GALNT5: variants seen among roughly 807,000 people sequenced by gnomAD.
GALNT5 encodes the protein polypeptide N-acetylgalactosaminyltransferase 5.
GALNT5 carries 72 observed loss-of-function variants against 85.4 expected under a neutral mutation model. That is an observed-to-expected ratio of 0.84 (90% confidence interval 0.70 to 1.03). The LOEUF (loss-of-function observed/expected upper bound fraction) is 1.03. Ranked by LOEUF, GALNT5 falls within the 50% of genes least tolerant of loss-of-function variation. The probability of loss-of-function intolerance (pLI) is 0.00; values close to 1 mark genes in which losing one functional copy is unlikely to be tolerated. For synonymous variants in GALNT5, 404 were observed against 397.0 expected, an observed-to-expected ratio of 1.02 and a Z score of -0.21; for missense variants, 1,137 against 1,135.5, an observed-to-expected ratio of 1.00 and a Z score of -0.02.
intron 8 of GALNT5, among the ~76,000 whole-genome samples, chr2:157,306,632 C>A (rs1683460617): frequency 6.6e-6 from 1 of 152,196 alleles, no homozygotes; most frequent in African/African-American, 2.4e-5. Flanking sequence ...GAAATCAGTT[C>A]CCAAAATTGC....
At chr2:157,273,630 CTTTTTTTTTTTT>C (rs35430045) in intron 1 of GALNT5, among the ~76,000 whole-genome samples, 8 of 23,744 alleles carry the variant, frequency 3.4e-4, no homozygotes, top group African/African-American at 1.3e-3. Context: ...ATATTTCTTG[CTTTTTTTTTTTT>C]TTTTTTTTTT....
rs68129611 is a variant in GALNT5 at position 157,317,174 on chromosome 2, G to GTATA, written c.*5848_*5851dup. Among the ~76,000 whole-genome samples, 648 of 139,300 alleles carry GTATA rather than the reference G, an allele frequency of 4.7e-3. 2 individuals are homozygous for GTATA. Among genetic ancestry groups the GTATA allele is most frequent in the Middle Eastern group, 0.012 (3 of 256 alleles). 91.4% of individuals were successfully genotyped at this position (139,300 alleles called of 152,430 possible). A position where few individuals can be genotyped will look rare whatever the true frequency, so the allele number is the denominator to read the frequency against. On this transcript the variant is annotated 3_prime_UTR_variant, in exon 10 of 10. Transcript: ENST00000259056. ...TTTTGTAAATATACTGTATGTGTGT[G>GTATA]TATATATATATATATATATATATAT...
chr2:157,258,666 A>T lies in GALNT5; in HGVS notation c.584A>T (p.Gln195Leu), dbSNP rs1682258281. 6.2e-7 allele frequency: 1 copy of T among 1,613,832 alleles called. No homozygotes were observed. The highest frequency in any genetic ancestry group is 8.5e-7 in the Non-Finnish European group (1 of 1,179,974). ...SVHMGRVSLK[Q>L]EPRKSHSPSS... ...CACATGGGACGTGTCAGTTTAAAAC[A>T]GGAGCCCCGGAAGAGTCATAGTCCC... The change falls in exon 1 of 10, where the codon CAG (glutamine) becomes CTG (leucine). Residue 195 changes from glutamine (Q) to leucine (L), a missense_variant. Coordinates refer to ENST00000259056, the MANE Select transcript of GALNT5 (RefSeq NM_014568.3).
chr2:157,311,366 T>C lies in GALNT5; in HGVS notation c.*18T>C. The C allele has an allele frequency of 6.5e-7, 1 of 1,536,518 alleles. No individual in the cohort carries two copies. The highest frequency in any genetic ancestry group is 8.9e-7 in the Non-Finnish European group (1 of 1,121,170). On this transcript the variant is annotated 3_prime_UTR_variant, in exon 10 of 10. Coordinates refer to ENST00000259056, the MANE Select transcript of GALNT5 (RefSeq NM_014568.3). ...AAGCCTGAAGTGTAACTGATGTTTT[T>C]ATATAGTAAACCCATTAAATACTGT...
chr2:157,286,166 A>C (rs759534911), intron 3 of GALNT5, 32 bp downstream of exon 3: 2 of 1,580,278 alleles, frequency 1.3e-6, no homozygotes, highest in South Asian at 1.1e-5. Flanking sequence ...TGTTTGTTAC[A>C]TTTTTATTTT....
At chr2:157,309,968 G>A (rs1176947521) in intron 9 of GALNT5, among the ~76,000 whole-genome samples, 2 of 152,150 alleles carry the variant, frequency 1.3e-5, no homozygotes, top group Non-Finnish European at 2.9e-5. Context: ...CCAAAGTCAG[G>A]AGGGAGGGAA....
chr2:157,276,872 G>A (rs188358189), intron 1 of GALNT5, among the ~76,000 whole-genome samples: 217 of 152,206 alleles, frequency 1.4e-3, no homozygotes, highest in Non-Finnish European at 2.5e-3. Flanking sequence ...GCTTTTGAAT[G>A]TGTAAGCTCT....
chr2:157,277,237 T>C (rs1250238173), intron 1 of GALNT5, among the ~76,000 whole-genome samples: 1 of 152,212 alleles, frequency 6.6e-6, no homozygotes, highest in Non-Finnish European at 1.5e-5. Flanking sequence ...ATGCTTTACT[T>C]CCAATTATGT....
At chr2:157,289,476 T>C (rs140114348) in intron 3 of GALNT5, among the ~76,000 whole-genome samples, 72 of 152,320 alleles carry the variant, frequency 4.7e-4, no homozygotes, top group African/African-American at 1.3e-3. Context: ...ACATGTGGAA[T>C]AGATTCTAAT....
chr2:157,305,305 A>G (rs762000428), intron 7 of GALNT5, among the ~76,000 whole-genome samples: 2 of 152,062 alleles, frequency 1.3e-5, no homozygotes, highest in Non-Finnish European at 1.5e-5. Flanking sequence ...TCTTTGAAGG[A>G]CTCAATTTAT....
At chr2:157,262,637 C>CAACAACAAA (rs1376263101) in intron 1 of GALNT5, among the ~76,000 whole-genome samples, 4 of 131,800 alleles carry the variant, frequency 3.0e-5, no homozygotes, top group Admixed American at 2.8e-4. Flanking sequence ...TCTCAGAAAA[C>CAACAACAAA]AACAACAACA....
chr2:157,284,908 A>G (rs968357235), intron 2 of GALNT5, among the ~76,000 whole-genome samples: 3 of 152,228 alleles, frequency 2.0e-5, no homozygotes, highest in Non-Finnish European at 4.4e-5. Flanking sequence ...AAGTGTTAAG[A>G]AGACAAATTG....
rs1683332017 is a variant in GALNT5, at chr2:157,300,989, C to T, written c.2429C>T (p.Ala810Val). 3 of 1,611,420 alleles carry T rather than the reference C, an allele frequency of 1.9e-6. No homozygotes were observed. In the South Asian group the frequency reaches 3.3e-5, roughly 18 times the overall value. ...GACTTAAGGGCTCCCATTGTGAGAG[C>T]TAGTGGTGTGGTAAGTTCAAGTGGC... Reference protein sequence around the residue: ...FPDLRAPIVRASGVLINVALG... With the variant: ...FPDLRAPIVRVSGVLINVALG... The change falls in exon 7 of 10, where the codon GCT becomes GTT. Residue 810 changes from alanine to valine, a missense_variant. Ala to Val is a moderately conservative substitution (Grantham distance 64). Coordinates refer to ENST00000259056, the MANE Select transcript of GALNT5 (RefSeq NM_014568.3).
At chr2:157,261,810 A>G (rs1049791211) in intron 1 of GALNT5, among the ~76,000 whole-genome samples, 3 of 152,096 alleles carry the variant, frequency 2.0e-5, no homozygotes, top group Admixed American at 2.0e-4. Flanking sequence ...CAAGATTTGG[A>G]GTGTTTTTTG....
chr2:157,302,729 GT>G (rs1042803708), intron 7 of GALNT5: 21 of 152,216 alleles, frequency 1.4e-4, no homozygotes, highest in African/African-American at 5.1e-4. Context: ...ACCTGAGTGA[GT>G]TCCTATGAAA....
At position 157,317,195 on chromosome 2, in the gene GALNT5, TA is replaced by T. The variant is rs60918581; in HGVS notation, c.*5848del. 0.026 allele frequency among the ~76,000 whole-genome samples: 3,497 copies of T among 136,080 alleles called. 83 individuals carry two copies. Among genetic ancestry groups the T allele is most frequent in the African/African-American group, 0.082 (2,746 of 33,412 alleles). The allele number at this position is 136,080 out of a possible 152,430, so 89.3% of individuals were successfully genotyped here. On this transcript the variant is annotated 3_prime_UTR_variant, in exon 10 of 10. Transcript: ENST00000259056. ...GTGTGTATATATATATATATATATATATATTTTTTTTTTTGATGCTTTGATC... is the reference window on the plus strand; with the variant it reads ...GTGTGTATATATATATATATATATATTATTTTTTTTTTTGATGCTTTGATC...
rs565750531 is a variant in GALNT5, at chr2:157,308,585, A to G, written c.2539A>G (p.Thr847Ala). The G allele has an allele frequency of 6.2e-7, 1 of 1,609,994 alleles. No homozygotes were observed. Among genetic ancestry groups the G allele is most frequent in the South Asian group, 1.1e-5 (1 of 89,944 alleles). The change falls in exon 9 of 10, where the codon ACC becomes GCC. Residue 847 changes from threonine to alanine, a missense_variant. Thr to Ala is a moderately conservative substitution (Grantham distance 58). Coordinates refer to ENST00000259056, the MANE Select transcript of GALNT5 (RefSeq NM_014568.3). ...CCCACAGCTTCAACAATTTAATTACACCTGGTTAAGACTTATTAAATGTGG... is the reference window on the plus strand; with the variant it reads ...CCCACAGCTTCAACAATTTAATTACGCCTGGTTAAGACTTATTAAATGTGG... Reference protein sequence around the residue: ...GSKELQQFNYTWLRLIKCGEW... With the variant: ...GSKELQQFNYAWLRLIKCGEW...
At position 157,316,709 on chromosome 2, in the gene GALNT5, C is replaced by T. The variant is rs1023042400; in HGVS notation, c.*5361C>T. On this transcript the variant is annotated 3_prime_UTR_variant, in exon 10 of 10. Coordinates refer to ENST00000259056, the MANE Select transcript of GALNT5 (RefSeq NM_014568.3). ...AAAGTATTATATATCCCTAATGAAG[C>T]TTAATGGATAGTATTCCAGGTGTTG... is the stretch of plus-strand genomic sequence containing the variant. Among the ~76,000 whole-genome samples, 1 of 152,116 alleles carries T rather than the reference C, an allele frequency of 6.6e-6. No individual in the cohort carries two copies. Among genetic ancestry groups the T allele is most frequent in the East Asian group, 1.9e-4 (1 of 5,182 alleles).
At chr2:157,289,107 G>A (rs1225385736) in intron 3 of GALNT5, among the ~76,000 whole-genome samples, 2 of 151,744 alleles carry the variant, frequency 1.3e-5, no homozygotes, top group South Asian at 2.1e-4. Context: ...AACCAAATAT[G>A]GGTTACTTAT....
Sources: gnomAD v4.1 joint callset for allele counts (sites outside exome capture counted in the v4.1 genomes callset) on GRCh38, gnomAD v4.1.1 for gene constraint, MANE v1.5 for transcripts, NCBI Gene and HGNC (gene_info 2026-07-23, HGNC 2026-07-21) for gene names.